The following CFAP96 variants were observed in gnomAD, a reference collection of about 807,000 sequenced individuals.
CFAP96 encodes cilia-and flagella-associated protein 96.
chr4:185,430,350 TAAA>T, the CFAP96 span, among the ~76,000 whole-genome samples: 14 of 152,086 alleles, frequency 9.2e-5, no homozygotes, highest in Non-Finnish European at 1.5e-4. Flanking sequence ...CATTGTTAAA[TAAA>T]AAAAGCAAGG....
At chr4:185,439,578 A>G in the CFAP96 span, among the ~76,000 whole-genome samples, 1 of 152,146 alleles carries the variant, frequency 6.6e-6, no homozygotes, top group Admixed American at 6.6e-5. Flanking sequence ...TAGTTTTTTG[A>G]ATCTATATTT....
At chr4:185,422,765 T>A in the CFAP96 span, among the ~76,000 whole-genome samples, 2 of 152,172 alleles carry the variant, frequency 1.3e-5, no homozygotes, top group Non-Finnish European at 2.9e-5. Flanking sequence ...TCAACCTTTG[T>A]TCTATACTGA....
At chr4:185,418,900 A>G in the CFAP96 span, 2 of 709,170 alleles carry the variant, frequency 2.8e-6, no homozygotes, top group African/African-American at 3.6e-5. Context: ...AATAATTTCA[A>G]AATTTTTTGC....
the CFAP96 span, chr4:185,445,123 G>C: frequency 6.4e-7 from 1 of 1,551,210 alleles, no homozygotes; most frequent in Non-Finnish European, 8.7e-7. Context: ...GACTTTGAAT[G>C]TCAGAAGGTG....
the CFAP96 span, among the ~76,000 whole-genome samples, chr4:185,435,423 T>C: frequency 3.9e-5 from 6 of 152,240 alleles, no homozygotes; most frequent in Non-Finnish European, 7.3e-5. Context: ...AATTAGAGAC[T>C]ATGACTGTTG....
At chr4:185,443,257 T>C in the CFAP96 span, among the ~76,000 whole-genome samples, 4 of 149,256 alleles carry the variant, frequency 2.7e-5, no homozygotes, top group Non-Finnish European at 4.4e-5. Flanking sequence ...ATTATTTATA[T>C]TTTCTTAGAA....
the CFAP96 span, chr4:185,415,095 A>T: frequency 7.3e-7 from 1 of 1,373,174 alleles, no homozygotes; most frequent in Non-Finnish European, 9.9e-7. Context: ...ATATATAATT[A>T]AATACAAAAT....
At chr4:185,410,056 G>A in the CFAP96 span, among the ~76,000 whole-genome samples, 3 of 152,076 alleles carry the variant, frequency 2.0e-5, no homozygotes, top group African/African-American at 7.2e-5. Context: ...TTATTTTTTA[G>A]GGAACAAATA....
At chr4:185,447,027 A>G in the CFAP96 span, among the ~76,000 whole-genome samples, 769 of 152,062 alleles carry the variant, frequency 5.1e-3, 9 homozygotes, top group African/African-American at 0.018. Flanking sequence ...TCTATCTTCT[A>G]TCATCTCTTC....
At chr4:185,427,837 G>A in the CFAP96 span, among the ~76,000 whole-genome samples, 3 of 149,904 alleles carry the variant, frequency 2.0e-5, no homozygotes, top group Non-Finnish European at 4.5e-5. Flanking sequence ...TGTAATCCCA[G>A]CACTTTGGGA....
the CFAP96 span, chr4:185,445,350 G>A: frequency 4.1e-6 from 3 of 739,284 alleles, no homozygotes; most frequent in Non-Finnish European, 6.6e-6. Context: ...TAAGTTATCT[G>A]CACCAAACCA....
the CFAP96 span, chr4:185,425,956 G>T: frequency 2.0e-6 from 3 of 1,502,938 alleles, no homozygotes; most frequent in Non-Finnish European, 2.7e-6. Context: ...CACGGCCCAG[G>T]GGCGGGGCCC....
chr4:185,443,510 G>A, the CFAP96 span, among the ~76,000 whole-genome samples: 1 of 150,656 alleles, frequency 6.6e-6, no homozygotes, highest in South Asian at 2.1e-4. Flanking sequence ...CACCACGCCT[G>A]GCTAATTTTT....
chr4:185,427,440 G>A, the CFAP96 span, among the ~76,000 whole-genome samples: 1 of 152,174 alleles, frequency 6.6e-6, no homozygotes, highest in Non-Finnish European at 1.5e-5. Flanking sequence ...GGCTTGCAGA[G>A]AGGCACTCAA....
the CFAP96 span, among the ~76,000 whole-genome samples, chr4:185,417,965 A>G: frequency 6.6e-6 from 1 of 151,242 alleles, no homozygotes; most frequent in Admixed American, 6.6e-5. Flanking sequence ...AATCACTTGA[A>G]CCCGGGAGGC....
At chr4:185,408,688 C>T in the CFAP96 span, among the ~76,000 whole-genome samples, 1 of 152,152 alleles carries the variant, frequency 6.6e-6, no homozygotes, top group Non-Finnish European at 1.5e-5. Flanking sequence ...TAAACTTTTC[C>T]CTATTGCTCC....
chr4:185,422,736 A>C, the CFAP96 span, among the ~76,000 whole-genome samples: 7 of 152,294 alleles, frequency 4.6e-5, no homozygotes, highest in South Asian at 1.0e-3. Context: ...GCAACCCCAA[A>C]ATTTTAAATC....
At chr4:185,428,446 G>A in the CFAP96 span, among the ~76,000 whole-genome samples, 4 of 151,220 alleles carry the variant, frequency 2.6e-5, no homozygotes, top group East Asian at 7.9e-4. Flanking sequence ...GGTGGCGCGT[G>A]TCTGTAATCC....
the CFAP96 span, among the ~76,000 whole-genome samples, chr4:185,427,132 C>T: frequency 6.6e-6 from 1 of 152,086 alleles, no homozygotes; most frequent in Non-Finnish European, 1.5e-5. Flanking sequence ...AATTTCTTCC[C>T]TCCCTCCTCC....
Sources: gnomAD v4.1 joint callset for allele counts (sites outside exome capture counted in the v4.1 genomes callset) on GRCh38, gnomAD v4.1.1 for gene constraint, MANE v1.5 for transcripts, NCBI Gene and HGNC (gene_info 2026-07-23, HGNC 2026-07-21) for gene names.